Variants in EYS observed in about 807,000 individuals in gnomAD.
EYS encodes EGF-like photoreceptor maintenance factor.
Under a neutral mutation model 282.1 loss-of-function variants are expected in EYS, and 250 were observed. The observed-to-expected ratio is 0.89, with a 90% confidence interval of 0.80 to 0.98. EYS has a LOEUF of 0.98. Among genes scored for constraint, EYS ranks in the 50% least tolerant of loss-of-function variants. The pLI, the probability that EYS is intolerant of heterozygous loss-of-function variation, is 0.00. For missense variants in EYS, 4,016 were observed against 3,709.0 expected, an observed-to-expected ratio of 1.08 and a Z score of -2.15; for synonymous variants, 1,355 against 1,282.9, an observed-to-expected ratio of 1.06 and a Z score of -1.20.
intron 11 of EYS, among the ~76,000 whole-genome samples, chr6:65,300,027 G>A (rs1768774249): frequency 6.6e-6 from 1 of 152,124 alleles, no homozygotes; most frequent in Non-Finnish European, 1.5e-5. Flanking sequence ...GAGGTCATAT[G>A]CATTTACTTT....
Position 64,590,574 on chromosome 6 carries a change from T to G in EYS, c.5293A>C (p.Thr1765Pro). ...TTATTTTTGAAGTCATTTGCATGTGTAATTTCTGAATATGTCTTTAAAGTA... is the reference window on the plus strand; with the variant it reads ...TTATTTTTGAAGTCATTTGCATGTGGAATTTCTGAATATGTCTTTAAAGTA... ...DVTLKTYSEI[T>P]HANDFKNNLP... Residue 1765 changes from threonine to proline, a missense_variant, in exon 26 of 43, where the codon ACA (threonine) becomes CCA (proline). Transcript: ENST00000503581. 6.4e-7 allele frequency: 1 copy of G among 1,551,370 alleles called. No homozygotes were observed. The highest frequency in any genetic ancestry group is 8.7e-7 in the Non-Finnish European group (1 of 1,146,748).
intron 14 of EYS, 23 bp from the exon 15 acceptor site, chr6:64,945,937 A>C (rs1769275219): frequency 6.6e-7 from 1 of 1,525,854 alleles, no homozygotes; most frequent in African/African-American, 1.4e-5. Context: ...GAAATTATAT[A>C]TTTTTAGGCT....
chr6:65,461,714 G>A (rs1009475153), intron 5 of EYS, among the ~76,000 whole-genome samples: 12 of 151,844 alleles, frequency 7.9e-5, no homozygotes, highest in African/African-American at 1.7e-4. Context: ...AAATATAATC[G>A]TTAAAATATT....
chr6:64,237,778 A>G (rs920556821), intron 30 of EYS, among the ~76,000 whole-genome samples: 8 of 152,308 alleles, frequency 5.3e-5, no homozygotes, highest in African/African-American at 1.9e-4. Flanking sequence ...AATCATTGCA[A>G]ATTTTATGAG....
At chr6:63,741,808 C>G (rs1425456630) in intron 41 of EYS, 4 of 640,016 alleles carry the variant, frequency 6.2e-6, no homozygotes, top group Non-Finnish European at 1.2e-5. Context: ...TAATTCTAAG[C>G]TCCAATCCTT....
At chr6:65,297,526 T>G (rs1003280984) in intron 11 of EYS, among the ~76,000 whole-genome samples, 3 of 152,030 alleles carry the variant, frequency 2.0e-5, no homozygotes, top group African/African-American at 7.2e-5. Flanking sequence ...TAGTGGATGC[T>G]TTGATGTGTT....
chr6:65,309,279 T>C (rs1388136096), intron 11 of EYS, among the ~76,000 whole-genome samples: 1 of 152,162 alleles, frequency 6.6e-6, no homozygotes, highest in African/African-American at 2.4e-5. Flanking sequence ...ATTGCACCCA[T>C]ACACTTCCTT....
intron 7 of EYS, among the ~76,000 whole-genome samples, chr6:65,400,460 A>G (rs1766449850): frequency 6.6e-6 from 1 of 151,854 alleles, no homozygotes; most frequent in Admixed American, 6.6e-5. Flanking sequence ...ACCTGCTCCC[A>G]GCATTGCCAC....
intron 31 of EYS, among the ~76,000 whole-genome samples, chr6:64,190,335 A>G (rs1297114433): frequency 1.3e-5 from 2 of 152,188 alleles, no homozygotes; most frequent in African/African-American, 2.4e-5. Context: ...GAGCTTCAGA[A>G]AGGAAGTTCA....
chr6:63,933,645 A>ATTC (rs1764964528), intron 35 of EYS, among the ~76,000 whole-genome samples: 1 of 152,090 alleles, frequency 6.6e-6, no homozygotes, highest in Non-Finnish European at 1.5e-5. Context: ...CCCTCTAATC[A>ATTC]TGAAGTTTTT....
intron 5 of EYS, among the ~76,000 whole-genome samples, chr6:65,452,389 A>G (rs1764438936): frequency 6.6e-6 from 1 of 151,900 alleles, no homozygotes; most frequent in East Asian, 1.9e-4. Context: ...ATATTGAGCC[A>G]GATTTATCTG....
chr6:64,815,526 A>T (rs2150017652), intron 21 of EYS, among the ~76,000 whole-genome samples: 1 of 152,210 alleles, frequency 6.6e-6, no homozygotes, highest in Non-Finnish European at 1.5e-5. Context: ...ATACAAAGGC[A>T]ATTTCTTTTT....
chr6:65,238,129 A>C (rs1365222089), intron 12 of EYS, among the ~76,000 whole-genome samples: 1 of 151,840 alleles, frequency 6.6e-6, no homozygotes, highest in African/African-American at 2.4e-5. Flanking sequence ...TGTGAATACT[A>C]TATTATACAA....
At chr6:64,341,200 T>A (rs1008047256) in intron 29 of EYS, among the ~76,000 whole-genome samples, 3 of 151,830 alleles carry the variant, frequency 2.0e-5, no homozygotes, top group Admixed American at 1.3e-4. Flanking sequence ...ATCCCATTAC[T>A]GGCCATATAT....
chr6:65,037,447 G>A (rs758589463), intron 13 of EYS, among the ~76,000 whole-genome samples: 10 of 151,672 alleles, frequency 6.6e-5, no homozygotes, highest in Admixed American at 1.3e-4. Flanking sequence ...ACCTGCACAT[G>A]TACCTTCTGA....
In EYS at chr6:64,436,198, C is replaced by G; in HGVS notation, c.5903G>C (p.Gly1968Ala). ...SINTTVRVDN[G>A]QKYTLLIRQE... is the part of the protein sequence containing the mutation. ...CCTGATAAGCAGTGTATACTTTTGCCCGTTGTCCACTCTAACAGTAGTATT... is the reference window on the plus strand; with the variant it reads ...CCTGATAAGCAGTGTATACTTTTGCGCGTTGTCCACTCTAACAGTAGTATT... The change falls in exon 28 of 43, where the codon GGG becomes GCG. Residue 1968 changes from glycine (G) to alanine (A), a missense_variant. Coordinates refer to ENST00000503581, the MANE Select transcript of EYS (RefSeq NM_001142800.2). 1 of 1,540,460 alleles carries G rather than the reference C, an allele frequency of 6.5e-7. No individual in the cohort carries two copies. Among genetic ancestry groups the G allele is most frequent in the South Asian group, 1.2e-5 (1 of 82,392 alleles).
At chr6:64,569,467 C>T (rs1005587585) in intron 26 of EYS, among the ~76,000 whole-genome samples, 2 of 151,880 alleles carry the variant, frequency 1.3e-5, no homozygotes, top group Non-Finnish European at 1.5e-5. Flanking sequence ...AGGAGCCGGG[C>T]GTGGTGGCTC....
chr6:63,931,858 A>AT (rs1238938438), intron 35 of EYS, among the ~76,000 whole-genome samples: 1 of 152,212 alleles, frequency 6.6e-6, no homozygotes, highest in African/African-American at 2.4e-5. Context: ...GTGTTATAGA[A>AT]TGCTAGAACT....
intron 22 of EYS, among the ~76,000 whole-genome samples, chr6:64,744,086 C>G (rs1245839091): frequency 6.6e-6 from 1 of 151,902 alleles, no homozygotes; most frequent in Non-Finnish European, 1.5e-5. Flanking sequence ...GCAATCTTGG[C>G]CTAAATTAAG....
Sources: gnomAD v4.1 joint callset for allele counts (sites outside exome capture counted in the v4.1 genomes callset) on GRCh38, gnomAD v4.1.1 for gene constraint, MANE v1.5 for transcripts, NCBI Gene and HGNC (gene_info 2026-07-23, HGNC 2026-07-21) for gene names.